ZNF667: variants seen among roughly 807,000 people sequenced by gnomAD.
The protein encoded by ZNF667 is zinc finger protein 667, also known as myocardial ischemic preconditioning upregulated 1 ortholog.
In ZNF667, 13 loss-of-function variants were observed where a neutral mutation model predicts 31.8. The observed-to-expected ratio is 0.41, with a 90% CI of 0.27 to 0.65. The LOEUF is 0.65. ZNF667 is among the 30% of genes least tolerant of loss of function. The pLI is 0.32. For missense variants in ZNF667, 642 were observed against 725.6 expected (o/e 0.88, Z 1.32); for synonymous variants, 228 against 247.1 (o/e 0.92, Z 0.73).
intron 3 of ZNF667, among the ~76,000 whole-genome samples, chr19:56,465,100 C>T (rs2147801621): frequency 6.6e-6 from 1 of 152,304 alleles, no homozygotes; most frequent in African/African-American, 2.4e-5. Context: ...AATGACAGTT[C>T]ATCCCTAAAT....
At chr19:56,460,940 G>A in intron 4 of ZNF667, 125 bp from the exon 5 acceptor site, 14 of 939,070 alleles carry the variant, frequency 1.5e-5, no homozygotes, top group Non-Finnish European at 2.1e-5. Context: ...AAGCATTCAG[G>A]GTTCTGAGGC....
At chr19:56,447,109 AATT>A (rs1293217983) in intron 6 of ZNF667, among the ~76,000 whole-genome samples, 8 of 152,152 alleles carry the variant, frequency 5.3e-5, no homozygotes, top group Admixed American at 5.2e-4. Context: ...TAAAAAGAAA[AATT>A]ATAATGTGAA....
rs371865202 is a variant in ZNF667 at position 56,442,823 on chromosome 19, T to C, written c.254-82A>G. The C allele has an allele frequency of 6.5e-5, 93 of 1,432,102 alleles. 1 individual carries two copies. The African/African-American group carries it at 1.2e-3, about 18-fold the overall frequency. The allele number at this position is 1,432,102 out of a possible 1,614,324, so 88.7% of individuals were successfully genotyped here. A position where few individuals can be genotyped will look rare whatever the true frequency, so the allele number is the denominator to read the frequency against. On this transcript the variant is annotated intron_variant, in intron 6 of 6. Transcript: ENST00000504904. The stretch of plus-strand genomic sequence containing the variant: ...TTCTACAATATAAATGTAATTATCA[T>C]TATTAATCACAACAACAATTATGAT...
intron 6 of ZNF667, among the ~76,000 whole-genome samples, chr19:56,443,646 T>C (rs2042664219): frequency 2.0e-5 from 3 of 152,198 alleles, no homozygotes; most frequent in Admixed American, 2.0e-4. Flanking sequence ...GCCATATATG[T>C]AGTCTGTTGT....
chr19:56,441,418 G>A lies in ZNF667; in HGVS notation c.1577C>T (p.Pro526Leu). 6.2e-7 allele frequency: 1 copy of A among 1,614,106 alleles called. No individual in the cohort carries two copies. The highest frequency in any genetic ancestry group is 8.5e-7 in the Non-Finnish European group (1 of 1,180,036). Reference protein sequence around the residue: ...QHERIHTGEKPYTCKTCGKAF... With the variant: ...QHERIHTGEKLYTCKTCGKAF... ...CTTACCACATGTTTTGCATGTATAT[G>A]GCTTCTCTCCAGTGTGAATTCTTTC... Residue 526 changes from proline (P) to leucine (L), a missense_variant, in exon 7 of 7, where the codon CCA (proline) becomes CTA (leucine). By Grantham distance (98) the Pro-to-Leu change is moderately conservative. Coordinates refer to ENST00000504904, the MANE Select transcript of ZNF667 (RefSeq NM_001321356.2). This position sits in a 1 kb window ranked among gnomAD's most constrained non-coding sequence, Gnocchi z 4.2.
chr19:56,467,932 G>C (rs1186427486), intron 3 of ZNF667: 4 of 152,228 alleles, frequency 2.6e-5, no homozygotes, highest in African/African-American at 9.7e-5. Flanking sequence ...ACACAGGCAA[G>C]ATTAAACTAC....
Position 56,441,623 on chromosome 19 carries a change from G to A in ZNF667, c.1372C>T (p.Leu458Phe). 1 of 1,614,038 alleles carries A rather than the reference G, an allele frequency of 6.2e-7. No individual in the cohort carries two copies. Among genetic ancestry groups the A allele is most frequent in the Non-Finnish European group, 8.5e-7 (1 of 1,179,960 alleles). Residue 458 changes from leucine (L) to phenylalanine (F), a missense_variant, in exon 7 of 7, where the codon CTT becomes TTT. By Grantham distance (22) the Leu-to-Phe change is conservative (BLOSUM62 0). Transcript: ENST00000504904. This position sits in a 1 kb window ranked among gnomAD's most constrained non-coding sequence, Gnocchi z 4.2. Reference sequence around the variant, plus strand: ...GTATGAATTCTTTGATGTTCAATAAGAAATGATTGGCGGCCGAAAACTTTA... The same window carrying A: ...GTATGAATTCTTTGATGTTCAATAAAAAATGATTGGCGGCCGAAAACTTTA... Reference protein sequence around the residue: ...CSKVFGRQSFLIEHQRIHTGE... With the variant: ...CSKVFGRQSFFIEHQRIHTGE...
chr19:56,458,378 A>G (rs2042977234), intron 5 of ZNF667, 131 bp from the exon 6 acceptor site: 1 of 704,944 alleles, frequency 1.4e-6, no homozygotes, highest in African/African-American at 1.7e-5. Flanking sequence ...GGGCAGCTGG[A>G]GAATGGGGAG....
chr19:56,442,894 A>G, intron 6 of ZNF667, 153 bp from the exon 7 acceptor site: 1 of 1,041,714 alleles, frequency 9.6e-7, no homozygotes, highest in African/African-American at 1.6e-5. Flanking sequence ...TTTGATGACT[A>G]TACTAAAGGC....
rs1462258747 is a variant in ZNF667 at position 56,441,497 on chromosome 19, C to T, written c.1498G>A (p.Glu500Lys). ...AAGGCCTTCCCACACTGATCACATT[C>T]ATAGGGTCTATCTTCAGTATGAATT... ...KRIHTEDRPY[E>K]CDQCGKAFSQ... Residue 500 changes from glutamate to lysine, a missense_variant, in exon 7 of 7, where the codon GAA becomes AAA. By Grantham distance (56) the Glu-to-Lys change is moderately conservative. Coordinates refer to ENST00000504904, the MANE Select transcript of ZNF667 (RefSeq NM_001321356.2). This position sits in a 1 kb window ranked among gnomAD's most constrained non-coding sequence, Gnocchi z 4.2. The T allele has an allele frequency of 6.2e-7, 1 of 1,613,996 alleles. No individual in the cohort carries two copies. The highest frequency in any genetic ancestry group is 2.2e-5 in the East Asian group (1 of 44,892).
intron 3 of ZNF667, chr19:56,469,942 A>G (rs1455582748): frequency 2.0e-6 from 1 of 494,132 alleles, no homozygotes; most frequent in South Asian, 1.5e-5. Context: ...GGTATGCTTC[A>G]CATGTATCAG....
Position 56,440,458 on chromosome 19 carries a change from C to T in ZNF667, c.*704G>A. 2.6e-6 allele frequency: 1 copy of T among 379,326 alleles called. No homozygotes were observed. Among genetic ancestry groups the T allele is most frequent in the Non-Finnish European group, 3.6e-6 (1 of 275,804 alleles). The allele number at this position is 379,326 out of a possible 1,614,324, so 23.5% of individuals were successfully genotyped here. A position where few individuals can be genotyped will look rare whatever the true frequency, so the allele number is the denominator to read the frequency against. On this transcript the variant is annotated 3_prime_UTR_variant, in exon 7 of 7. Coordinates refer to ENST00000504904, the MANE Select transcript of ZNF667 (RefSeq NM_001321356.2). Reference sequence around the variant, plus strand: ...CCACAAGTTTGTCAGCTGAAAGTGGCACCCTGTTTTGCCGAGAAGTTCCTT... The same window carrying T: ...CCACAAGTTTGTCAGCTGAAAGTGGTACCCTGTTTTGCCGAGAAGTTCCTT...
chr19:56,475,975 T>C (rs2043396865), intron 1 of ZNF667: 1 of 152,226 alleles, frequency 6.6e-6, no homozygotes, highest in Non-Finnish European at 1.5e-5. Flanking sequence ...GATTTTATTC[T>C]CCAGGTGTGG....
intron 3 of ZNF667, among the ~76,000 whole-genome samples, chr19:56,469,745 A>G (rs1353720794): frequency 6.6e-6 from 1 of 152,188 alleles, no homozygotes; most frequent in Non-Finnish European, 1.5e-5. Context: ...TTTGCTTATT[A>G]TGCTTACTGT....
intron 6 of ZNF667, 64 bp downstream of exon 6, chr19:56,458,091 T>C: frequency 7.2e-7 from 1 of 1,392,900 alleles, no homozygotes; most frequent in Non-Finnish European, 1.0e-6. Flanking sequence ...TCACCTAATA[T>C]ATGGCATTCT....
chr19:56,456,283 G>C (rs190156014), intron 6 of ZNF667, among the ~76,000 whole-genome samples: 295 of 152,320 alleles, frequency 1.9e-3, no homozygotes, highest in African/African-American at 5.8e-3. Context: ...TTGTAGTCAT[G>C]GTTATGATTT....
At position 56,465,702 on chromosome 19, in the gene ZNF667, C is replaced by A. The variant is rs7245766; in HGVS notation, c.-59-3273G>T. 8.9e-3 allele frequency among the ~76,000 whole-genome samples: 1,349 copies of A among 152,294 alleles called. 15 individuals are homozygous for A. The highest frequency in any genetic ancestry group is 0.035 in the South Asian group (167 of 4,822). ...TGCCCCAAATGCCTGGCTCTTAACC[C>A]TACTGTGTGGCACCCTCCCCTCTGC... On this transcript the variant is annotated intron_variant, in intron 3 of 6. Transcript: ENST00000504904.
In ZNF667 at chr19:56,440,602, ATTATCT is replaced by A; in HGVS notation, c.*554_*559del. Reference sequence around the variant, plus strand: ...CTATTTTGTTGTATGTGACCAATAAATTATCTTTAAAACTATGCTGGAAGTAAAATA... The same window carrying A: ...CTATTTTGTTGTATGTGACCAATAAATTAAAACTATGCTGGAAGTAAAATA... On this transcript the variant is annotated 3_prime_UTR_variant, in exon 7 of 7. Transcript: ENST00000504904. The A allele has an allele frequency of 1.5e-5, 15 of 980,334 alleles. No homozygotes were observed. Among genetic ancestry groups the A allele is most frequent in the Non-Finnish European group, 1.8e-5 (15 of 825,478 alleles). 60.7% of individuals were successfully genotyped at this position (980,334 alleles called of 1,614,324 possible).
chr19:56,442,193 G>A lies in ZNF667; in HGVS notation c.802C>T (p.Leu268Phe). The change falls in exon 7 of 7, where the codon CTT becomes TTT. Residue 268 changes from leucine (L) to phenylalanine (F), a missense_variant. Coordinates refer to ENST00000504904, the MANE Select transcript of ZNF667 (RefSeq NM_001321356.2). ...TTGTGAATTTTCTTATGAAGTAAAA[G>A]GGATGACATCTGATTGAAGGCTTTT... ...CGKAFNQMSSLLLHKKIHNGK... is the reference protein window; with the variant it reads ...CGKAFNQMSSFLLHKKIHNGK... 1 of 1,613,962 alleles carries A rather than the reference G, an allele frequency of 6.2e-7. No individual in the cohort carries two copies. The highest frequency in any genetic ancestry group is 8.5e-7 in the Non-Finnish European group (1 of 1,179,988).
Sources: allele counts gnomAD v4.1 joint callset (sites outside exome capture counted in the v4.1 genomes callset), GRCh38; gene constraint gnomAD v4.1.1; non-coding constraint Gnocchi (gnomAD v3.1); transcripts MANE v1.5; gene names NCBI Gene and HGNC (gene_info 2026-07-23, HGNC 2026-07-21).